Variants in ZNF462 observed in about 807,000 individuals in gnomAD.
The protein encoded by ZNF462 is zinc finger PBX1-interacting protein.
Under a neutral mutation model 201.9 loss-of-function variants are expected in ZNF462, and 10 were observed. The ratio of observed to expected loss-of-function variants is 0.05; its 90% CI spans 0.03 to 0.08. The LOEUF is 0.08. Among genes scored for constraint, ZNF462 ranks in the 10% least tolerant of loss-of-function variants. The pLI is 1.00. For synonymous variants in ZNF462, 1,227 were observed against 1,193.3 expected (o/e 1.03, Z -0.58); for missense variants, 2,523 against 3,168.3 (o/e 0.80, Z 4.89).
chr9:106,965,596 C>T (rs1279540678), intron 7 of ZNF462, among the ~76,000 whole-genome samples: 1 of 149,780 alleles, frequency 6.7e-6, no homozygotes, highest in Admixed American at 6.6e-5. Context: ...GGAAGAATCT[C>T]ACAATTTGAG....
At chr9:106,941,434 C>T (rs528184496) in intron 7 of ZNF462, among the ~76,000 whole-genome samples, 7 of 152,242 alleles carry the variant, frequency 4.6e-5, no homozygotes, top group African/African-American at 9.6e-5. Flanking sequence ...GACAAAGTGA[C>T]GTTGAGTAGC....
Position 106,974,472 on chromosome 9 carries a change from T to C in ZNF462, c.6832+199T>C. On this transcript the variant is annotated intron_variant, in intron 9 of 12. Transcript: ENST00000277225. The surrounding 1 kb of genome is among the most constrained non-coding windows in gnomAD (Gnocchi z 4.0). ...TCCTGCTGGGAGTATTTCCTCCACC[T>C]GGAGGGAGGCAAAGGTGATGGATTC... is the stretch of plus-strand genomic sequence containing the variant. 1.3e-6 allele frequency: 1 copy of C among 744,630 alleles called. No homozygotes were observed. Among genetic ancestry groups the C allele is most frequent in the Middle Eastern group, 3.9e-4 (1 of 2,568 alleles). The allele number at this position is 744,630 out of a possible 1,614,324, so 46.1% of individuals were successfully genotyped here.
rs933822969 is a variant in ZNF462 at position 106,965,104 on chromosome 9, G to A, written c.6428-6901G>A. On this transcript the variant is annotated intron_variant, in intron 7 of 12. Transcript: ENST00000277225. ...TAGAGGAAAGCAAAGAGTTCTGTTC[G>A]GATTGCTGGGAAAAATCTTCACAGA... Among the ~76,000 whole-genome samples the A allele has an allele frequency of 2.6e-5, 4 of 152,044 alleles. No individual in the cohort carries two copies. In the East Asian group the frequency reaches 7.7e-4, roughly 29 times the overall value.
chr9:106,922,645 A>C (rs1830033183), intron 1 of ZNF462, among the ~76,000 whole-genome samples: 1 of 152,202 alleles, frequency 6.6e-6, no homozygotes, highest in African/African-American at 2.4e-5. Context: ...CTCATGAGGA[A>C]TATTTTATGA....
rs1831507088 is a variant in ZNF462, at chr9:106,954,869, G to C, written c.6427+15762G>C. ...ACCAGGAGGGAGCTCTTTAGGAGCA[G>C]GGTTTTTGTTATTTTTTTATTCTGA... On this transcript the variant is annotated intron_variant, in intron 7 of 12. Transcript: ENST00000277225. This position sits in a 1 kb window ranked among gnomAD's most constrained non-coding sequence, Gnocchi z 4.0. Among the ~76,000 whole-genome samples, 1 of 152,134 alleles carries C rather than the reference G, an allele frequency of 6.6e-6. No homozygotes were observed. The highest frequency in any genetic ancestry group is 2.4e-5 in the African/African-American group (1 of 41,450).
chr9:106,866,752 G>C (rs1827350099), intron 1 of ZNF462, among the ~76,000 whole-genome samples: 1 of 152,144 alleles, frequency 6.6e-6, no homozygotes, highest in Non-Finnish European at 1.5e-5. Flanking sequence ...TGCATAAATG[G>C]ATGCACCAAA....
At chr9:106,879,334 C>CG (rs1338041806) in intron 1 of ZNF462, among the ~76,000 whole-genome samples, 5 of 79,656 alleles carry the variant, frequency 6.3e-5, no homozygotes, top group South Asian at 5.1e-4. Context: ...TGCTTTCCAC[C>CG]CCCCCCCCCA....
rs1488256009 is a variant in ZNF462 at position 106,919,304 on chromosome 9, C to T, written c.-30-4050C>T. On this transcript the variant is annotated intron_variant, in intron 1 of 12. Transcript: ENST00000277225. The surrounding 1 kb of genome is among the most constrained non-coding windows in gnomAD (Gnocchi z 4.5). ...TGTCAACACCTCCCCGCTCCGGTTA[C>T]GTCTGAGCAGTGAGTTGGAAGGATG... 2.6e-5 allele frequency among the ~76,000 whole-genome samples: 4 copies of T among 152,162 alleles called. No homozygotes were observed. Among genetic ancestry groups the T allele is most frequent in the Non-Finnish European group, 4.4e-5 (3 of 68,032 alleles).
At position 106,968,199 on chromosome 9, in the gene ZNF462, T is replaced by C. The variant is rs1832169411; in HGVS notation, c.6428-3806T>C. On this transcript the variant is annotated intron_variant, in intron 7 of 12. Coordinates refer to ENST00000277225, the MANE Select transcript of ZNF462 (RefSeq NM_021224.6). This position sits in a 1 kb window ranked among gnomAD's most constrained non-coding sequence, Gnocchi z 4.0. ...TTCAAATCCTACCTCTGCTTCTTCG[T>C]GTCTATGTGACCCGTCATCCTCAGC... 6.6e-6 allele frequency among the ~76,000 whole-genome samples: 1 copy of C among 152,168 alleles called. No homozygotes were observed. The highest frequency in any genetic ancestry group is 2.4e-5 in the African/African-American group (1 of 41,438).
intron 7 of ZNF462, among the ~76,000 whole-genome samples, chr9:106,945,741 A>C (rs1025749931): frequency 1.3e-5 from 2 of 152,178 alleles, no homozygotes; most frequent in African/African-American, 4.8e-5. Flanking sequence ...TTTAACACTT[A>C]CTATGTTTCT....
intron 7 of ZNF462, among the ~76,000 whole-genome samples, chr9:106,956,970 G>A (rs1289571952): frequency 2.0e-5 from 3 of 152,224 alleles, no homozygotes; most frequent in African/African-American, 7.2e-5. Flanking sequence ...TCAGCAATAA[G>A]GATGTTTTGT....
At chr9:106,961,750 T>C (rs927435189) in intron 7 of ZNF462, among the ~76,000 whole-genome samples, 1 of 152,040 alleles carries the variant, frequency 6.6e-6, no homozygotes, top group South Asian at 2.1e-4. Flanking sequence ...CAGCATGATA[T>C]GTAGTAGTAG....
Position 106,930,734 on chromosome 9 carries a change from G to A in ZNF462, c.6012+45G>A, listed in dbSNP as rs1319084541. The A allele has an allele frequency of 2.5e-6, 4 of 1,605,738 alleles. No homozygotes were observed. The highest frequency in any genetic ancestry group is 1.1e-5 in the South Asian group (1 of 90,336). ...GATGAGCATTGTGTGTGAGCGATTC[G>A]AGTTACTTATTAACCCCATTGCCTA... On this transcript the variant is annotated intron_variant, in intron 4 of 12. Coordinates refer to ENST00000277225, the MANE Select transcript of ZNF462 (RefSeq NM_021224.6). This position sits in a 1 kb window ranked among gnomAD's most constrained non-coding sequence, Gnocchi z 5.8.
In ZNF462 at chr9:106,920,346, T is replaced by C. The variant is rs1447677853; in HGVS notation, c.-30-3008T>C. Among the ~76,000 whole-genome samples the C allele has an allele frequency of 1.3e-5, 2 of 152,232 alleles. No individual in the cohort carries two copies. Among genetic ancestry groups the C allele is most frequent in the South Asian group, 2.1e-4 (1 of 4,832 alleles). ...AGTTTCTCTCTCTTTGATTGGGCCATGCCAGCAACTTCTATTTTCTTCTTC... is the reference window on the plus strand; with the variant it reads ...AGTTTCTCTCTCTTTGATTGGGCCACGCCAGCAACTTCTATTTTCTTCTTC... On this transcript the variant is annotated intron_variant, in intron 1 of 12. Transcript: ENST00000277225. The surrounding 1 kb of genome is among the most constrained non-coding windows in gnomAD (Gnocchi z 4.3).
chr9:106,912,101 C>A (rs546579314), intron 1 of ZNF462, among the ~76,000 whole-genome samples: 1 of 152,258 alleles, frequency 6.6e-6, no homozygotes, highest in East Asian at 1.9e-4. Context: ...CATGAACCGA[C>A]CCTGCTATGT....
intron 10 of ZNF462, among the ~76,000 whole-genome samples, chr9:106,997,874 A>G (rs1408076950): frequency 1.3e-5 from 2 of 152,218 alleles, no homozygotes; most frequent in East Asian, 3.9e-4. Context: ...AAAAGTATCA[A>G]AAAAATTGTA....
chr9:106,974,306 G>T lies in ZNF462; in HGVS notation c.6832+33G>T. 5.0e-6 allele frequency: 8 copies of T among 1,613,960 alleles called. No individual in the cohort carries two copies. Among genetic ancestry groups the T allele is most frequent in the Non-Finnish European group, 6.8e-6 (8 of 1,179,860 alleles). ...TTCTAACTTGGTTTTCTTGGATGCA[G>T]CGGGGGGCAGGCAGCAGAGATGGCC... On this transcript the variant is annotated intron_variant, in intron 9 of 12. Transcript: ENST00000277225. This position sits in a 1 kb window ranked among gnomAD's most constrained non-coding sequence, Gnocchi z 4.0.
In ZNF462 at chr9:106,970,438, G is replaced by C. The variant is rs536446840; in HGVS notation, c.6428-1567G>C. ...CTGCTCTGCTTTTGTTTTCCTGTTC[G>C]AAGAGGCTGACGGGATGGATGGTGC... On this transcript the variant is annotated intron_variant, in intron 7 of 12. Transcript: ENST00000277225. This position sits in a 1 kb window ranked among gnomAD's most constrained non-coding sequence, Gnocchi z 4.2. Among the ~76,000 whole-genome samples the C allele has an allele frequency of 8.5e-5, 13 of 152,280 alleles. No homozygotes were observed. Among genetic ancestry groups the C allele is most frequent in the African/African-American group, 2.9e-4 (12 of 41,562 alleles).
rs777126010 is a variant in ZNF462, at chr9:106,972,142, G to C, written c.6565G>C (p.Ala2189Pro). ...AAAGTEQKTE[A>P]VLHCEFCEFS... The stretch of plus-strand genomic sequence containing the variant: ...TGCTGGCACTGAGCAGAAAACTGAA[G>C]CCGTGCTTCACTGCGAATTCTGTGA... The change falls in exon 8 of 13, where the codon GCC (alanine) becomes CCC (proline). Residue 2189 changes from alanine to proline, a missense_variant. By Grantham distance (27) the Ala-to-Pro change is conservative (BLOSUM62 -1). This residue lies in a region of ZNF462 where 228 missense variants were observed against 361.2 expected (regional missense o/e 0.63). Coordinates refer to ENST00000277225, the MANE Select transcript of ZNF462 (RefSeq NM_021224.6). The surrounding 1 kb of genome is among the most constrained non-coding windows in gnomAD (Gnocchi z 4.8). 9.3e-6 allele frequency: 15 copies of C among 1,614,080 alleles called. No homozygotes were observed. The highest frequency in any genetic ancestry group is 1.6e-4 in the Middle Eastern group (1 of 6,084).
Sources: allele counts gnomAD v4.1 joint callset (sites outside exome capture counted in the v4.1 genomes callset), GRCh38; gene constraint gnomAD v4.1.1; regional missense constraint gnomAD v4.1.1; non-coding constraint Gnocchi (gnomAD v3.1); transcripts MANE v1.5; gene names NCBI Gene and HGNC (gene_info 2026-07-23, HGNC 2026-07-21).